OR9Q1: variants seen among roughly 807,000 people sequenced by gnomAD.
OR9Q1 encodes olfactory receptor 9Q1.
For synonymous variants in OR9Q1, 153 were observed against 148.6 expected (o/e 1.03, Z -0.22); for missense variants, 374 against 378.8 (o/e 0.99, Z 0.11).
At chr11:58,108,240 A>G (rs2120102433) in intron 2 of OR9Q1, among the ~76,000 whole-genome samples, 1 of 152,302 alleles carries the variant, frequency 6.6e-6, no homozygotes, top group African/African-American at 2.4e-5. Flanking sequence ...GTGAGTTGGT[A>G]GGTTATCCAT....
intron 2 of OR9Q1, among the ~76,000 whole-genome samples, chr11:58,168,290 C>T (rs892051516): frequency 3.9e-5 from 6 of 152,212 alleles, no homozygotes; most frequent in Admixed American, 1.3e-4. Context: ...TTGCTGTTAA[C>T]ATTCCTACAC....
intron 2 of OR9Q1, among the ~76,000 whole-genome samples, chr11:58,103,330 T>A (rs934868408): frequency 1.3e-5 from 2 of 152,146 alleles, no homozygotes; most frequent in Non-Finnish European, 2.9e-5. Flanking sequence ...AATTATTTCC[T>A]ACTGGGTCCC....
intron 2 of OR9Q1, among the ~76,000 whole-genome samples, chr11:58,113,438 A>G (rs1174391956): frequency 6.6e-6 from 1 of 152,170 alleles, no homozygotes; most frequent in Non-Finnish European, 1.5e-5. Context: ...GGACTGCTGC[A>G]GGACAGCCAG....
At chr11:58,037,093 T>C (rs1853107175) in intron 1 of OR9Q1, among the ~76,000 whole-genome samples, 1 of 152,192 alleles carries the variant, frequency 6.6e-6, no homozygotes, top group African/African-American at 2.4e-5. Context: ...TAAAGCCACC[T>C]CAATCATCAG....
chr11:58,148,965 C>A (rs1854325177), intron 2 of OR9Q1, among the ~76,000 whole-genome samples: 1 of 152,150 alleles, frequency 6.6e-6, no homozygotes, highest in Admixed American at 6.6e-5. Flanking sequence ...CTCATCTCTT[C>A]TTCAAAAATC....
At chr11:58,129,386 C>T (rs1854119386) in intron 2 of OR9Q1, among the ~76,000 whole-genome samples, 1 of 152,102 alleles carries the variant, frequency 6.6e-6, no homozygotes, top group African/African-American at 2.4e-5. Flanking sequence ...ATCCATTTTT[C>T]TCATAGAATC....
Position 58,098,109 on chromosome 11 carries a change from T to C in OR9Q1, c.-15+42162T>C, listed in dbSNP as rs554262979. Among the ~76,000 whole-genome samples the C allele has an allele frequency of 1.6e-3, 237 of 152,338 alleles. 1 individual carries two copies. In the Middle Eastern group the frequency reaches 0.017, roughly 11 times the overall value. The stretch of plus-strand genomic sequence containing the variant: ...ACTAAAAAAACAAGTTGAACATTGC[T>C]CTTTCCTCTTCTATTTTTTGAAGAA... On this transcript the variant is annotated intron_variant, in intron 2 of 2. Transcript: ENST00000335397.
intron 2 of OR9Q1, among the ~76,000 whole-genome samples, chr11:58,140,461 G>A (rs1443885271): frequency 6.6e-6 from 1 of 152,076 alleles, no homozygotes; most frequent in East Asian, 1.9e-4. Flanking sequence ...ATTAATTTTT[G>A]TATAAGGTGT....
At chr11:58,154,574 A>G (rs548910310) in intron 2 of OR9Q1, among the ~76,000 whole-genome samples, 1 of 152,188 alleles carries the variant, frequency 6.6e-6, no homozygotes, top group African/African-American at 2.4e-5. Context: ...GAAATTAATC[A>G]TACATTTCAA....
At chr11:58,034,219 A>T (rs35157521) in intron 1 of OR9Q1, among the ~76,000 whole-genome samples, 21,023 of 150,790 alleles carry the variant, frequency 0.14, 1,768 homozygotes, top group South Asian at 0.22. Flanking sequence ...CCGAGTAGCT[A>T]GGACTACAGG....
intron 2 of OR9Q1, among the ~76,000 whole-genome samples, chr11:58,151,862 C>T (rs1391436619): frequency 6.6e-6 from 1 of 152,068 alleles, no homozygotes; most frequent in African/African-American, 2.4e-5. Flanking sequence ...TCTCCAGTTG[C>T]TCTGGGTACT....
intron 2 of OR9Q1, among the ~76,000 whole-genome samples, chr11:58,120,365 T>C (rs1854016293): frequency 6.6e-6 from 1 of 152,220 alleles, no homozygotes; most frequent in Non-Finnish European, 1.5e-5. Flanking sequence ...CACCTATTTG[T>C]AACATAGAAA....
intron 2 of OR9Q1, among the ~76,000 whole-genome samples, chr11:58,068,013 A>C (rs956437396): frequency 1.3e-5 from 2 of 152,114 alleles, no homozygotes; most frequent in East Asian, 3.9e-4. Flanking sequence ...TCACAGAGCA[A>C]GAGAGACAAC....
Position 58,089,632 on chromosome 11 carries a change from T to C in OR9Q1, c.-15+33685T>C, listed in dbSNP as rs12293681. ...TTTGCTTAGGATTGTCTTTGCTATG[T>C]GGGCTCTTTTTTGGTTCCATATGAA... On this transcript the variant is annotated intron_variant, in intron 2 of 2. Transcript: ENST00000335397. Among the ~76,000 whole-genome samples the C allele has an allele frequency of 5.7e-3, 869 of 152,046 alleles. 28 individuals carry two copies. The highest frequency in any genetic ancestry group is 0.019 in the African/African-American group (802 of 41,328).
At chr11:58,024,854 C>A (rs888897198) in intron 1 of OR9Q1, among the ~76,000 whole-genome samples, 14 of 152,076 alleles carry the variant, frequency 9.2e-5, no homozygotes, top group Admixed American at 4.6e-4. Flanking sequence ...GGGAAATTAA[C>A]CTCAGAGTCA....
chr11:58,028,783 G>A (rs1190191773), intron 1 of OR9Q1, among the ~76,000 whole-genome samples: 1 of 152,200 alleles, frequency 6.6e-6, no homozygotes, highest in African/African-American at 2.4e-5. Flanking sequence ...GGGGATGTTA[G>A]GCATGGCGAA....
chr11:58,098,284 GA>G (rs1392916005), intron 2 of OR9Q1, among the ~76,000 whole-genome samples: 2 of 152,096 alleles, frequency 1.3e-5, no homozygotes, highest in African/African-American at 4.8e-5. Flanking sequence ...CTCTTTAACA[GA>G]TATGTGACTA....
chr11:58,089,043 AT>A (rs202120155), intron 2 of OR9Q1, among the ~76,000 whole-genome samples: 2 of 151,166 alleles, frequency 1.3e-5, no homozygotes, highest in African/African-American at 2.4e-5. Context: ...GGCCCAGCTA[AT>A]TTTTTTTATT....
At chr11:58,122,919 C>T (rs543498330) in intron 2 of OR9Q1, among the ~76,000 whole-genome samples, 11 of 150,824 alleles carry the variant, frequency 7.3e-5, no homozygotes, top group East Asian at 5.8e-4. Flanking sequence ...TTTTAGCATA[C>T]ACCGTATTTT....
Sources: gnomAD v4.1 joint callset for allele counts (sites outside exome capture counted in the v4.1 genomes callset) on GRCh38, gnomAD v4.1.1 for gene constraint, MANE v1.5 for transcripts, NCBI Gene and HGNC (gene_info 2026-07-23, HGNC 2026-07-21) for gene names.